Variants in THSD4 observed in about 807,000 individuals in gnomAD.
THSD4 encodes the protein thrombospondin type 1 domain containing 4.
A neutral mutation model predicts 119.0 loss-of-function variants in THSD4; 69 were observed. The ratio of observed to expected loss-of-function variants is 0.58; its 90% CI spans 0.48 to 0.71. The LOEUF (loss-of-function observed/expected upper bound fraction) is 0.71. Among genes scored for constraint, THSD4 ranks in the 30% least tolerant of loss-of-function variants. THSD4 has a pLI of 0.00. For synonymous variants in THSD4, 524 were observed against 540.4 expected (o/e 0.97, Z 0.42); for missense variants, 1,393 against 1,391.1 (o/e 1.00, Z -0.02).
chr15:71,694,569 A>T (rs2141058154), intron 8 of THSD4, among the ~76,000 whole-genome samples: 1 of 152,344 alleles, frequency 6.6e-6, no homozygotes, highest in Non-Finnish European at 1.5e-5. Context: ...ATGCAATTGT[A>T]AGAAATAATG....
intron 7 of THSD4, among the ~76,000 whole-genome samples, chr15:71,594,074 G>T (rs1169930249): frequency 1.3e-5 from 2 of 152,118 alleles, no homozygotes; most frequent in Non-Finnish European, 2.9e-5. Context: ...GCTGCACAAT[G>T]GTGCTGAATG....
rs139245361 is a variant in THSD4 at position 71,150,406 on chromosome 15, C to T, written c.30-4457C>T. ...CTGAGCAGGGGTGGGAAACTTTCAGCCCTTGGCAGAGTTTCCTCTGGCCCC... is the reference window on the plus strand; with the variant it reads ...CTGAGCAGGGGTGGGAAACTTTCAGTCCTTGGCAGAGTTTCCTCTGGCCCC... On this transcript the variant is annotated intron_variant, in intron 2 of 17. Transcript: ENST00000261862. Among the ~76,000 whole-genome samples, 1,309 of 152,316 alleles carry T rather than the reference C, an allele frequency of 8.6e-3. 9 individuals are homozygous for T. Among genetic ancestry groups the T allele is most frequent in the Non-Finnish European group, 0.013 (914 of 68,024 alleles).
chr15:71,342,148 G>A (rs2045588091), intron 6 of THSD4, among the ~76,000 whole-genome samples: 1 of 151,970 alleles, frequency 6.6e-6, no homozygotes. Context: ...AAAAAAAAAG[G>A]TGGGGGACAG....
intron 7 of THSD4, among the ~76,000 whole-genome samples, chr15:71,527,102 C>T (rs1233353390): frequency 1.3e-5 from 2 of 152,084 alleles, no homozygotes; most frequent in Admixed American, 1.3e-4. Flanking sequence ...TAGCCTTCAC[C>T]CGGGGTTCAG....
At chr15:71,675,571 C>T (rs951363595) in intron 8 of THSD4, among the ~76,000 whole-genome samples, 2 of 152,162 alleles carry the variant, frequency 1.3e-5, no homozygotes, top group Admixed American at 6.5e-5. Flanking sequence ...TGTGCTCAGA[C>T]ATCTTAGCCC....
intron 6 of THSD4, among the ~76,000 whole-genome samples, chr15:71,382,247 A>T (rs1468286285): frequency 6.6e-6 from 1 of 152,126 alleles, no homozygotes; most frequent in Non-Finnish European, 1.5e-5. Flanking sequence ...CAGAATTTTT[A>T]TTTTCTGGGC....
At chr15:71,235,005 G>C (rs927499730) in intron 4 of THSD4, among the ~76,000 whole-genome samples, 6 of 152,208 alleles carry the variant, frequency 3.9e-5, no homozygotes, top group African/African-American at 1.4e-4. Flanking sequence ...CTACCACCTA[G>C]TGTTGTTTTA....
At chr15:71,185,706 C>T (rs932677741) in intron 3 of THSD4, 6 of 152,126 alleles carry the variant, frequency 3.9e-5, no homozygotes, top group East Asian at 1.9e-4. Flanking sequence ...GATACAGACC[C>T]GCAGGAGGAG....
intron 6 of THSD4, among the ~76,000 whole-genome samples, chr15:71,286,612 T>C (rs2044721115): frequency 6.6e-6 from 1 of 152,216 alleles, no homozygotes; most frequent in African/African-American, 2.4e-5. Context: ...GCAATGAACA[T>C]ATGCATGCAT....
intron 8 of THSD4, among the ~76,000 whole-genome samples, chr15:71,716,592 T>TG (rs1567116032): frequency 7.9e-5 from 5 of 63,378 alleles, no homozygotes; most frequent in African/African-American, 2.1e-4. Flanking sequence ...TGGTTTTTGT[T>TG]TTTTTTTTTG....
At chr15:71,188,129 A>G (rs2043630337) in intron 3 of THSD4, among the ~76,000 whole-genome samples, 1 of 152,210 alleles carries the variant, frequency 6.6e-6, no homozygotes, top group South Asian at 2.1e-4. Flanking sequence ...GGATGAAGGT[A>G]AATACGGTAA....
intron 7 of THSD4, among the ~76,000 whole-genome samples, chr15:71,520,460 G>T (rs1346339448): frequency 6.6e-6 from 1 of 152,210 alleles, no homozygotes; most frequent in Admixed American, 6.5e-5. Flanking sequence ...CACTGGGATT[G>T]CTTTCTTAGG....
intron 7 of THSD4, among the ~76,000 whole-genome samples, chr15:71,467,505 G>T (rs1014955256): frequency 1.3e-5 from 2 of 152,172 alleles, no homozygotes; most frequent in East Asian, 1.9e-4. Flanking sequence ...AGCAAGCAAG[G>T]CCTGTTTGTT....
At chr15:71,244,886 CAT>C (rs1052612815) in intron 5 of THSD4, among the ~76,000 whole-genome samples, 3 of 152,146 alleles carry the variant, frequency 2.0e-5, no homozygotes, top group African/African-American at 7.2e-5. Flanking sequence ...CCAAGCAAAC[CAT>C]AGAGAGAAAG....
At chr15:71,472,606 A>G (rs2047597415) in intron 7 of THSD4, among the ~76,000 whole-genome samples, 4 of 152,308 alleles carry the variant, frequency 2.6e-5, no homozygotes, top group Middle Eastern at 6.8e-3. Flanking sequence ...ACAGCAGACA[A>G]ACTAGAAAAA....
At chr15:71,733,758 A>G (rs2053026950) in intron 10 of THSD4, 1 of 151,838 alleles carries the variant, frequency 6.6e-6, no homozygotes, top group Admixed American at 6.6e-5. Flanking sequence ...CATCTCTGCT[A>G]AAAGTACAAA....
rs958810542 is a variant in THSD4 at position 71,582,768 on chromosome 15, A to G, written c.1153-77762A>G. ...CTAACTTTAGTCCTTCATTCTGTTA[A>G]TGTGGTATATCACGTCTTGATTTGC... On this transcript the variant is annotated intron_variant, in intron 7 of 17. Transcript: ENST00000261862. Among the ~76,000 whole-genome samples the G allele has an allele frequency of 3.3e-5, 5 of 152,162 alleles. 1 individual carries two copies. The highest frequency in any genetic ancestry group is 5.9e-5 in the Non-Finnish European group (4 of 68,010).
At chr15:71,319,926 G>A (rs1484524623) in intron 6 of THSD4, among the ~76,000 whole-genome samples, 1 of 152,174 alleles carries the variant, frequency 6.6e-6, no homozygotes, top group African/African-American at 2.4e-5. Context: ...AGCTCTTACT[G>A]TACTGACATG....
chr15:71,549,296 T>C (rs79404983), intron 7 of THSD4, among the ~76,000 whole-genome samples: 20,987 of 152,188 alleles, frequency 0.14, 1,466 homozygotes, highest in Middle Eastern at 0.2. Context: ...TAAGTAAAGA[T>C]CCTCTTGGGC....
Sources: allele counts gnomAD v4.1 joint callset (sites outside exome capture counted in the v4.1 genomes callset), GRCh38; gene constraint gnomAD v4.1.1; transcripts MANE v1.5; gene names NCBI Gene and HGNC (gene_info 2026-07-23, HGNC 2026-07-21).